CCDC33: variants seen among roughly 807,000 people sequenced by gnomAD.
CCDC33 encodes coiled-coil domain-containing protein 33.
In CCDC33, 94 loss-of-function variants were observed where a neutral mutation model predicts 91.9. The observed-to-expected ratio is 1.02, with a 90% CI of 0.87 to 1.21. The LOEUF (loss-of-function observed/expected upper bound fraction) is 1.21. Ranked by LOEUF, CCDC33 falls within the 50% of genes most tolerant of loss-of-function variation. The pLI, the probability that CCDC33 is intolerant of heterozygous loss-of-function variation, is 0.00. For missense variants in CCDC33, 940 were observed against 935.5 expected, an observed-to-expected ratio of 1.00 and a Z score of -0.06; for synonymous variants, 396 against 374.5, an observed-to-expected ratio of 1.06 and a Z score of -0.66.
In CCDC33 at chr15:74,295,941, A is replaced by G. The variant is rs370287933; in HGVS notation, c.1283A>G (p.His428Arg). Residue 428 changes from histidine to arginine, a missense_variant, in exon 11 of 19, where the codon CAT (histidine) becomes CGT (arginine). Coordinates refer to ENST00000398814, the MANE Select transcript of CCDC33 (RefSeq NM_025055.5). ...EEEPLVPEMS[H>R]DTEMNNYRRA... ...GAACCTCTGGTGCCTGAGATGTCCCATGACACAGTGAGTGTCTCTCCCCAG... is the reference window on the plus strand; with the variant it reads ...GAACCTCTGGTGCCTGAGATGTCCCGTGACACAGTGAGTGTCTCTCCCCAG... 126 of 1,611,568 alleles carry G rather than the reference A, an allele frequency of 7.8e-5. No homozygotes were observed. Among genetic ancestry groups the G allele is most frequent in the Non-Finnish European group, 1.0e-4 (120 of 1,178,956 alleles).
upstream of CCDC33, among the ~76,000 whole-genome samples, chr15:74,234,136 C>A (rs189385184): frequency 2.2e-4 from 34 of 152,366 alleles, 1 homozygote; most frequent in South Asian, 7.0e-3. Flanking sequence ...CCTCCTTCCC[C>A]AAGAGCCAGC....
chr15:74,226,299 C>T (rs920213003), intron 2 of CCDC33, among the ~76,000 whole-genome samples: 2 of 152,176 alleles, frequency 1.3e-5, no homozygotes, highest in African/African-American at 4.8e-5. Context: ...ACCTCATTTC[C>T]CAGTTGCATA....
Position 74,280,678 on chromosome 15 carries a change from C to A in CCDC33, c.900C>A (p.Ser300Arg). 2 of 1,490,632 alleles carry A rather than the reference C, an allele frequency of 1.3e-6. No individual in the cohort carries two copies. The highest frequency in any genetic ancestry group is 1.8e-6 in the Non-Finnish European group (2 of 1,117,578). The allele number at this position is 1,490,632 out of a possible 1,614,324, so 92.3% of individuals were successfully genotyped here. Reference protein sequence around the residue: ...EYYSSTSMKGSQPWTLNQPLG... With the variant: ...EYYSSTSMKGRQPWTLNQPLG... ...ATCCTTCCCCCACAGTGAAAGGCAG[C>A]CAGCCGTGGACCCTCAACCAGCCCC... The change falls in exon 9 of 19, where the codon AGC (serine) becomes AGA (arginine). Residue 300 changes from serine to arginine, a missense_variant. By Grantham distance (110) the Ser-to-Arg change is moderately radical. Coordinates refer to ENST00000398814, the MANE Select transcript of CCDC33 (RefSeq NM_025055.5).
intron 5 of CCDC33, among the ~76,000 whole-genome samples, chr15:74,269,241 G>A (rs2076250459): frequency 1.3e-5 from 2 of 152,034 alleles, no homozygotes; most frequent in Non-Finnish European, 2.9e-5. Flanking sequence ...ATCAGGGTGG[G>A]AGCCACAGGA....
intron 15 of CCDC33, 62 bp downstream of exon 15, chr15:74,331,358 C>A (rs1400866263): frequency 6.5e-7 from 1 of 1,538,224 alleles, no homozygotes; most frequent in African/African-American, 1.4e-5. Flanking sequence ...GAGGCCCTGC[C>A]TTCCTGGAGC....
chr15:74,321,247 T>TTATA (rs1555421993), intron 11 of CCDC33, among the ~76,000 whole-genome samples: 45 of 152,044 alleles, frequency 3.0e-4, no homozygotes, highest in Non-Finnish European at 2.5e-4. Flanking sequence ...TTTTATCTTA[T>TTATA]TTTATTTATT....
intron 10 of CCDC33, among the ~76,000 whole-genome samples, chr15:74,293,559 C>T (rs1396503774): frequency 6.6e-6 from 1 of 152,028 alleles, no homozygotes; most frequent in Admixed American, 6.5e-5. Flanking sequence ...AACCCTAAAC[C>T]ATCTGACTCA....
chr15:74,328,042 G>A (rs2060346436), intron 11 of CCDC33, among the ~76,000 whole-genome samples: 1 of 152,196 alleles, frequency 6.6e-6, no homozygotes, highest in South Asian at 2.1e-4. Flanking sequence ...TGGAAGCCAA[G>A]AAAACCCATT....
At chr15:74,242,361 A>G (rs949908554) in intron 1 of CCDC33, among the ~76,000 whole-genome samples, 1 of 152,198 alleles carries the variant, frequency 6.6e-6, no homozygotes, top group Non-Finnish European at 1.5e-5. Context: ...CGAGGCTGCC[A>G]CCAAAACCAG....
chr15:74,247,540 A>G (rs2075577177), intron 2 of CCDC33, among the ~76,000 whole-genome samples: 1 of 152,190 alleles, frequency 6.6e-6, no homozygotes, highest in Admixed American at 6.5e-5. Flanking sequence ...GCCATTTGCG[A>G]TAATGCAGAT....
intron 1 of CCDC33, among the ~76,000 whole-genome samples, chr15:74,205,336 G>A (rs1280359971): frequency 6.6e-6 from 1 of 152,202 alleles, no homozygotes; most frequent in Non-Finnish European, 1.5e-5. Context: ...GAAGCAGCAC[G>A]GCACCAGCAT....
Position 74,273,993 on chromosome 15 carries a change from G to C in CCDC33, c.759+1102G>C, listed in dbSNP as rs185604684. On this transcript the variant is annotated intron_variant, in intron 7 of 18. Coordinates refer to ENST00000398814, the MANE Select transcript of CCDC33 (RefSeq NM_025055.5). ...ATTACTGGCACCCGCCACCATGCCCGGCTAATTTTTGTATTTTCAGTAGAG... is the reference window on the plus strand; with the variant it reads ...ATTACTGGCACCCGCCACCATGCCCCGCTAATTTTTGTATTTTCAGTAGAG... Among the ~76,000 whole-genome samples the C allele has an allele frequency of 5.4e-3, 815 of 151,912 alleles. 9 individuals are homozygous for C. In the Middle Eastern group the frequency reaches 0.058, roughly 11 times the overall value.
chr15:74,295,724 C>G (rs749235744), intron 10 of CCDC33, 30 bp from the exon 11 acceptor site: 1 of 1,584,914 alleles, frequency 6.3e-7, no homozygotes, highest in Non-Finnish European at 8.6e-7. Flanking sequence ...GGGGCCTGTC[C>G]TGAAGTTTCT....
chr15:74,272,790 G>C lies in CCDC33; in HGVS notation c.658G>C (p.Asp220His), dbSNP rs201736142. 1.5e-5 allele frequency: 24 copies of C among 1,614,040 alleles called. No individual in the cohort carries two copies. Among genetic ancestry groups the C allele is most frequent in the Non-Finnish European group, 2.0e-5 (24 of 1,180,040 alleles). The change falls in exon 7 of 19, where the codon GAC becomes CAC. Residue 220 changes from aspartate (D) to histidine (H), a missense_variant. Coordinates refer to ENST00000398814, the MANE Select transcript of CCDC33 (RefSeq NM_025055.5). The stretch of plus-strand genomic sequence containing the variant: ...CCCCAGGGTCAGCCAGGCTAACAGG[G>C]ACCTGGCCTCTGTGGGGCTGCCCAT... The part of the protein sequence containing the change: ...KEFKVSQANR[D>H]LASVGLPITP...
At chr15:74,258,762 C>T (rs1286233676) in intron 2 of CCDC33, among the ~76,000 whole-genome samples, 2 of 152,178 alleles carry the variant, frequency 1.3e-5, no homozygotes, top group Admixed American at 1.3e-4. Context: ...CCATGCTTTT[C>T]CGATGCTCAT....
At chr15:74,322,201 C>T (rs553142873) in intron 11 of CCDC33, among the ~76,000 whole-genome samples, 2 of 152,336 alleles carry the variant, frequency 1.3e-5, no homozygotes, top group East Asian at 1.9e-4. Context: ...TCATTTAAAA[C>T]GATAATTTTT....
upstream of CCDC33, among the ~76,000 whole-genome samples, chr15:74,233,300 T>G (rs1566955153): frequency 6.6e-6 from 1 of 152,252 alleles, no homozygotes; most frequent in Non-Finnish European, 1.5e-5. Context: ...TGTTGTCTAC[T>G]GAAGCATTTC....
intron 10 of CCDC33, among the ~76,000 whole-genome samples, chr15:74,284,933 C>T (rs563137940): frequency 6.6e-6 from 1 of 152,374 alleles, no homozygotes; most frequent in African/African-American, 2.4e-5. Flanking sequence ...ACTCTTCCAC[C>T]CTTTAAATCA....
intron 3 of CCDC33, among the ~76,000 whole-genome samples, chr15:74,264,197 G>A (rs1359473052): frequency 6.6e-6 from 1 of 151,772 alleles, no homozygotes; most frequent in Non-Finnish European, 1.5e-5. Flanking sequence ...GATGTCTGCG[G>A]TGGGGGTGGG....
Sources: gnomAD v4.1 joint callset for allele counts (sites outside exome capture counted in the v4.1 genomes callset) on GRCh38, gnomAD v4.1.1 for gene constraint, MANE v1.5 for transcripts, NCBI Gene and HGNC (gene_info 2026-07-23, HGNC 2026-07-21) for gene names.